The following RSRC1 variants were observed in gnomAD, a reference collection of about 807,000 sequenced individuals.
RSRC1 encodes the protein serine/Arginine-related protein 53.
Under a neutral mutation model 49.1 loss-of-function variants are expected in RSRC1, and 39 were observed. The ratio of observed to expected loss-of-function variants is 0.79; its 90% confidence interval spans 0.61 to 1.04. The LOEUF (loss-of-function observed/expected upper bound fraction) is 1.04. Among genes scored for constraint, RSRC1 ranks in the 50% least tolerant of loss-of-function variants. RSRC1 has a pLI of 0.00. For synonymous variants in RSRC1, 143 were observed against 130.8 expected, an observed-to-expected ratio of 1.09 and a Z score of -0.63; for missense variants, 388 against 402.4, an observed-to-expected ratio of 0.96 and a Z score of 0.31.
chr3:158,404,921 G>C (rs925885071), intron 6 of RSRC1, among the ~76,000 whole-genome samples: 1 of 151,684 alleles, frequency 6.6e-6, no homozygotes, highest in South Asian at 2.1e-4. Context: ...CAAAAATTTG[G>C]TGCTACTGTA....
At chr3:158,204,865 T>A (rs900224261) in intron 4 of RSRC1, among the ~76,000 whole-genome samples, 1 of 152,176 alleles carries the variant, frequency 6.6e-6, no homozygotes, top group African/African-American at 2.4e-5. Context: ...AAATTTATAT[T>A]ATATAAAACA....
intron 7 of RSRC1, among the ~76,000 whole-genome samples, chr3:158,472,577 T>C (rs1317383201): frequency 6.6e-6 from 1 of 152,178 alleles, no homozygotes; most frequent in Non-Finnish European, 1.5e-5. Context: ...TCTACTATGT[T>C]TTTTCCTTAC....
At chr3:158,269,638 G>A (rs1216827422) in intron 4 of RSRC1, among the ~76,000 whole-genome samples, 1 of 151,868 alleles carries the variant, frequency 6.6e-6, no homozygotes, top group Non-Finnish European at 1.5e-5. Flanking sequence ...TCAGCCTCCC[G>A]AGTAGCTGGG....
intron 6 of RSRC1, among the ~76,000 whole-genome samples, chr3:158,396,147 A>T (rs900094820): frequency 2.6e-5 from 4 of 152,136 alleles, no homozygotes; most frequent in African/African-American, 9.7e-5. Context: ...GAACACATGG[A>T]CACAAAGAAA....
chr3:158,238,117 A>G (rs147179541), intron 4 of RSRC1, among the ~76,000 whole-genome samples: 2 of 152,340 alleles, frequency 1.3e-5, no homozygotes, highest in East Asian at 1.9e-4. Context: ...CCCATTCACA[A>G]TTGCTGCAAA....
chr3:158,306,471 G>A (rs1242386559), intron 5 of RSRC1, among the ~76,000 whole-genome samples: 1 of 151,780 alleles, frequency 6.6e-6, no homozygotes, highest in East Asian at 1.9e-4. Context: ...AATTTGAGGA[G>A]CACGTAATTT....
Position 158,432,035 on chromosome 3 carries a change from T to C in RSRC1, c.584-28900T>C, listed in dbSNP as rs2108358696. ...ACTGTTGGCAAAGAGTGCTGGTGAG[T>C]TGGCTAGATGAATTAAATGTTGGGG... On this transcript the variant is annotated intron_variant, in intron 6 of 9. Coordinates refer to ENST00000611884, the MANE Select transcript of RSRC1 (RefSeq NM_001271838.2). Among the ~76,000 whole-genome samples, 2 of 151,994 alleles carry C rather than the reference T, an allele frequency of 1.3e-5. 1 individual carries two copies. Among genetic ancestry groups the C allele is most frequent in the South Asian group, 4.1e-4 (2 of 4,820 alleles).
chr3:158,344,152 G>A (rs541750649), intron 5 of RSRC1, among the ~76,000 whole-genome samples: 2 of 152,238 alleles, frequency 1.3e-5, no homozygotes, highest in East Asian at 1.9e-4. Flanking sequence ...CTAGCTACTT[G>A]GAAGGCTGAG....
At chr3:158,368,729 C>G (rs1731909311) in intron 6 of RSRC1, among the ~76,000 whole-genome samples, 2 of 152,252 alleles carry the variant, frequency 1.3e-5, no homozygotes, top group African/African-American at 2.4e-5. Context: ...GTTTTAAAAT[C>G]ATTGTAACTT....
chr3:158,366,960 A>G (rs1043939743), intron 6 of RSRC1, among the ~76,000 whole-genome samples: 1 of 152,182 alleles, frequency 6.6e-6, no homozygotes, highest in Non-Finnish European at 1.5e-5. Flanking sequence ...TTACTCATGT[A>G]TAGGAATGCT....
chr3:158,249,564 G>A (rs1003934747), intron 4 of RSRC1, among the ~76,000 whole-genome samples: 6 of 152,158 alleles, frequency 3.9e-5, no homozygotes, highest in African/African-American at 9.7e-5. Flanking sequence ...TACAAAACCA[G>A]CTGCTGTGAA....
chr3:158,534,503 T>C (rs1712606602), intron 7 of RSRC1, among the ~76,000 whole-genome samples: 1 of 151,584 alleles, frequency 6.6e-6, no homozygotes, highest in Non-Finnish European at 1.5e-5. Context: ...CAATCAATCC[T>C]AATTCAACTA....
At chr3:158,244,596 A>G (rs961874747) in intron 4 of RSRC1, among the ~76,000 whole-genome samples, 2 of 151,914 alleles carry the variant, frequency 1.3e-5, no homozygotes, top group African/African-American at 4.8e-5. Flanking sequence ...TTGTTTTGTT[A>G]TATCTCTGCC....
chr3:158,275,063 T>C (rs1171670495), intron 4 of RSRC1, among the ~76,000 whole-genome samples: 1 of 152,216 alleles, frequency 6.6e-6, no homozygotes, highest in Non-Finnish European at 1.5e-5. Flanking sequence ...ACTTGAAAGG[T>C]ATTTATCTAA....
At chr3:158,177,398 C>T (rs1474949453) in intron 3 of RSRC1, among the ~76,000 whole-genome samples, 5 of 152,098 alleles carry the variant, frequency 3.3e-5, no homozygotes, top group Non-Finnish European at 4.4e-5. Context: ...AACCCAAATG[C>T]CCATCAGTGA....
At chr3:158,529,528 A>G (rs1712256381) in intron 7 of RSRC1, among the ~76,000 whole-genome samples, 1 of 151,844 alleles carries the variant, frequency 6.6e-6, no homozygotes, top group Non-Finnish European at 1.5e-5. Context: ...CCTCATGGTC[A>G]TGATATTTAA....
chr3:158,272,130 G>T (rs1428977909), intron 4 of RSRC1, among the ~76,000 whole-genome samples: 1 of 152,076 alleles, frequency 6.6e-6, no homozygotes, highest in African/African-American at 2.4e-5. Context: ...CTAAAAGCAA[G>T]TACCGGCAGA....
chr3:158,384,120 C>G (rs916291806), intron 6 of RSRC1, among the ~76,000 whole-genome samples: 1 of 152,086 alleles, frequency 6.6e-6, no homozygotes, highest in Admixed American at 6.6e-5. Context: ...CGAAATATGT[C>G]ATACTCTCAA....
chr3:158,464,743 A>C (rs1737791663), intron 7 of RSRC1, among the ~76,000 whole-genome samples: 1 of 152,126 alleles, frequency 6.6e-6, no homozygotes, highest in Admixed American at 6.6e-5. Flanking sequence ...CAATGTTCTA[A>C]GTATTCTACT....
Sources: gnomAD v4.1 joint callset for allele counts (sites outside exome capture counted in the v4.1 genomes callset) on GRCh38, gnomAD v4.1.1 for gene constraint, MANE v1.5 for transcripts, NCBI Gene and HGNC (gene_info 2026-07-23, HGNC 2026-07-21) for gene names.